TNFSF13B: variants seen among roughly 807,000 people sequenced by gnomAD.
The protein encoded by TNFSF13B is tumor necrosis factor ligand superfamily member 13B.
In TNFSF13B, 8 loss-of-function variants were observed where a neutral mutation model predicts 29.1. That is an observed-to-expected ratio of 0.27 (90% CI 0.16 to 0.50). The LOEUF (loss-of-function observed/expected upper bound fraction) is 0.50, where lower values mean the gene tolerates loss of function less well. TNFSF13B is among the 20% of genes least tolerant of loss of function. The probability of loss-of-function intolerance (pLI) is 0.98; values close to 1 mark genes in which losing one functional copy is unlikely to be tolerated. For synonymous variants in TNFSF13B, 125 were observed against 130.8 expected (o/e 0.96, Z 0.30); for missense variants, 248 against 334.9 (o/e 0.74, Z 2.03).
chr13:108,272,157 T>A (rs1182250019), intron 2 of TNFSF13B, among the ~76,000 whole-genome samples: 2 of 152,170 alleles, frequency 1.3e-5, no homozygotes, highest in Non-Finnish European at 2.9e-5. Context: ...GCTTGTTTAC[T>A]AATATGAATA....
chr13:108,294,392 C>A (rs1337645828), intron 3 of TNFSF13B, among the ~76,000 whole-genome samples: 2 of 151,940 alleles, frequency 1.3e-5, no homozygotes, highest in Admixed American at 1.3e-4. Flanking sequence ...GTTGGCCAGA[C>A]TGATCTCGAA....
intron 3 of TNFSF13B, among the ~76,000 whole-genome samples, chr13:108,289,065 CTGTTTCCTAA>C (rs2139056747): frequency 1.3e-5 from 2 of 150,356 alleles, no homozygotes; most frequent in South Asian, 4.3e-4. Flanking sequence ...AAGCAGCACA[CTGTTTCCTAA>C]GAAGTAAAAG....
intron 2 of TNFSF13B, among the ~76,000 whole-genome samples, chr13:108,273,131 A>G (rs1004707037): frequency 1.3e-5 from 2 of 152,146 alleles, no homozygotes; most frequent in African/African-American, 4.8e-5. Context: ...TTTGCCCTAG[A>G]CTTTTTAATA....
intron 5 of TNFSF13B, among the ~76,000 whole-genome samples, chr13:108,304,316 AG>A (rs1881710332): frequency 6.6e-6 from 1 of 152,188 alleles, no homozygotes; most frequent in African/African-American, 2.4e-5. Context: ...GGTAAGGGAA[AG>A]TTGTACAATG....
At chr13:108,272,917 G>T (rs989639395) in intron 2 of TNFSF13B, among the ~76,000 whole-genome samples, 1 of 151,822 alleles carries the variant, frequency 6.6e-6, no homozygotes, top group Non-Finnish European at 1.5e-5. Flanking sequence ...TAATAGAGTA[G>T]GAAAGAAATA....
chr13:108,299,312 A>C (rs1371884258), intron 3 of TNFSF13B, among the ~76,000 whole-genome samples: 1 of 145,040 alleles, frequency 6.9e-6, no homozygotes, highest in Non-Finnish European at 1.5e-5. Context: ...GTAGTTCATA[A>C]TTTTCTCTTT....
chr13:108,280,267 G>T (rs1880900441), intron 2 of TNFSF13B, among the ~76,000 whole-genome samples: 1 of 152,110 alleles, frequency 6.6e-6, no homozygotes, highest in Admixed American at 6.5e-5. Flanking sequence ...AAAGTTTGTA[G>T]CTTGGGCAAC....
intron 2 of TNFSF13B, among the ~76,000 whole-genome samples, chr13:108,284,130 C>T (rs566736019): frequency 1.3e-5 from 2 of 152,218 alleles, no homozygotes; most frequent in East Asian, 3.9e-4. Context: ...GAGATCGAGA[C>T]CATCCTGGCT....
chr13:108,303,255 T>A lies in TNFSF13B; in HGVS notation c.484T>A (p.Ser162Thr). 6.2e-7 allele frequency: 1 copy of A among 1,606,668 alleles called. No homozygotes were observed. Among genetic ancestry groups the A allele is most frequent in the Non-Finnish European group, 8.5e-7 (1 of 1,175,204 alleles). The change falls in exon 4 of 6, where the codon TCT becomes ACT. Residue 162 changes from serine to threonine, a missense_variant and splice_region_variant. Transcript: ENST00000375887. ...DSETPTIQKGSYTFVPWLLSF... is the reference protein window; with the variant it reads ...DSETPTIQKGTYTFVPWLLSF... The stretch of plus-strand genomic sequence containing the variant: ...ATAAATGATTCTCTTCATTGCAGGA[T>A]CTTACACATTTGTTCCATGGCTTCT...
At chr13:108,302,365 T>C (rs1195162863) in intron 3 of TNFSF13B, among the ~76,000 whole-genome samples, 1 of 152,212 alleles carries the variant, frequency 6.6e-6, no homozygotes, top group Non-Finnish European at 1.5e-5. Flanking sequence ...CATCATTTAA[T>C]TTATACTCCC....
chr13:108,279,373 A>G (rs1398390444), intron 2 of TNFSF13B, among the ~76,000 whole-genome samples: 1 of 152,222 alleles, frequency 6.6e-6, no homozygotes, highest in African/African-American at 2.4e-5. Context: ...ATATTTTGCT[A>G]GAAGTATTGT....
At chr13:108,300,574 T>C (rs532658845) in intron 3 of TNFSF13B, among the ~76,000 whole-genome samples, 4 of 152,214 alleles carry the variant, frequency 2.6e-5, no homozygotes, top group Non-Finnish European at 5.9e-5. Context: ...TTATGTCATT[T>C]AAACAAAATT....
intron 5 of TNFSF13B, 25 bp downstream of exon 5, chr13:108,303,629 C>T (rs755134226): frequency 6.3e-7 from 1 of 1,586,854 alleles, no homozygotes; most frequent in African/African-American, 1.4e-5. Flanking sequence ...TCACACCCTG[C>T]TAATTGTGAA....
intron 2 of TNFSF13B, among the ~76,000 whole-genome samples, chr13:108,270,764 C>T (rs144869736): frequency 2.6e-5 from 4 of 152,186 alleles, no homozygotes; most frequent in African/African-American, 9.6e-5. Context: ...CATTATTCAT[C>T]ACTCCAGAAA....
intron 2 of TNFSF13B, among the ~76,000 whole-genome samples, chr13:108,284,689 A>G (rs1235207965): frequency 6.6e-6 from 1 of 152,218 alleles, no homozygotes; most frequent in African/African-American, 2.4e-5. Flanking sequence ...TCTGACTTTG[A>G]CGTTCATCAA....
At chr13:108,274,675 T>G (rs1197910741) in intron 2 of TNFSF13B, among the ~76,000 whole-genome samples, 2 of 152,188 alleles carry the variant, frequency 1.3e-5, no homozygotes, top group East Asian at 3.8e-4. Context: ...GTAGGAATTT[T>G]TTGGCATTGA....
chr13:108,286,243 G>A (rs139086574), intron 2 of TNFSF13B, among the ~76,000 whole-genome samples: 14 of 152,212 alleles, frequency 9.2e-5, no homozygotes, highest in African/African-American at 1.2e-4. Flanking sequence ...TGCACTTTCC[G>A]AGCCTTAGTT....
At chr13:108,276,500 TTGTG>T (rs1180530499) in intron 2 of TNFSF13B, among the ~76,000 whole-genome samples, 1 of 152,210 alleles carries the variant, frequency 6.6e-6, no homozygotes, top group Non-Finnish European at 1.5e-5. Context: ...AAATGTGATA[TTGTG>T]TCTCTTTTAC....
At chr13:108,288,717 C>T (rs1269697773) in intron 3 of TNFSF13B, among the ~76,000 whole-genome samples, 9 of 152,068 alleles carry the variant, frequency 5.9e-5, no homozygotes, top group Admixed American at 5.9e-4. Flanking sequence ...AACGAAAGGC[C>T]CAACAACCCA....
Sources: allele counts gnomAD v4.1 joint callset (sites outside exome capture counted in the v4.1 genomes callset), GRCh38; gene constraint gnomAD v4.1.1; transcripts MANE v1.5; gene names NCBI Gene and HGNC (gene_info 2026-07-23, HGNC 2026-07-21).